MCTP1: variants seen among roughly 807,000 people sequenced by gnomAD.
MCTP1 encodes multiple C2 and transmembrane domain-containing protein 1.
Under a neutral mutation model 120.6 loss-of-function variants are expected in MCTP1, and 69 were observed. The ratio of observed to expected loss-of-function variants is 0.57; its 90% confidence interval spans 0.47 to 0.70. The LOEUF is 0.70. Among genes scored for constraint, MCTP1 ranks in the 30% least tolerant of loss-of-function variants. MCTP1 has a pLI of 0.00. For synonymous variants in MCTP1, 529 were observed against 493.1 expected (o/e 1.07, Z -0.96); for missense variants, 1,203 against 1,248.8 (o/e 0.96, Z 0.55).
intron 19 of MCTP1, among the ~76,000 whole-genome samples, chr5:94,770,702 C>T (rs1315884972): frequency 6.6e-6 from 1 of 152,188 alleles, no homozygotes; most frequent in Non-Finnish European, 1.5e-5. Context: ...GCCGGAATCA[C>T]TAGAAAACTC....
At chr5:95,252,996 A>C (rs1757521453) in intron 1 of MCTP1, among the ~76,000 whole-genome samples, 1 of 152,172 alleles carries the variant, frequency 6.6e-6, no homozygotes, top group Non-Finnish European at 1.5e-5. Flanking sequence ...ACTGACAAAC[A>C]AGATCATTTT....
At chr5:95,201,300 A>G (rs1750983433) in intron 1 of MCTP1, among the ~76,000 whole-genome samples, 1 of 152,152 alleles carries the variant, frequency 6.6e-6, no homozygotes, top group South Asian at 2.1e-4. Context: ...CTGAATCAGA[A>G]TATGTATTTT....
chr5:95,235,038 A>G (rs1160247459), intron 1 of MCTP1, among the ~76,000 whole-genome samples: 3 of 152,088 alleles, frequency 2.0e-5, no homozygotes, highest in African/African-American at 7.2e-5. Flanking sequence ...ACTATAGACC[A>G]ATATAGCTCA....
At chr5:94,905,925 G>A (rs1361377569) in intron 10 of MCTP1, among the ~76,000 whole-genome samples, 1 of 151,990 alleles carries the variant, frequency 6.6e-6, no homozygotes, top group East Asian at 1.9e-4. Context: ...GAGGGGATGA[G>A]GAAAAACCTG....
At chr5:95,124,711 A>G (rs773231117) in intron 1 of MCTP1, among the ~76,000 whole-genome samples, 1 of 152,254 alleles carries the variant, frequency 6.6e-6, no homozygotes, top group Non-Finnish European at 1.5e-5. Flanking sequence ...TATACTCTAT[A>G]TCATTTCCCT....
At chr5:94,970,169 T>C (rs1826477610) in intron 2 of MCTP1, among the ~76,000 whole-genome samples, 1 of 151,864 alleles carries the variant, frequency 6.6e-6, no homozygotes, top group South Asian at 2.1e-4. Context: ...TCCTGAAGAG[T>C]AGTAGAAGGC....
At chr5:94,819,507 G>A (rs1488547679) in intron 17 of MCTP1, among the ~76,000 whole-genome samples, 1 of 152,124 alleles carries the variant, frequency 6.6e-6, no homozygotes, top group Non-Finnish European at 1.5e-5. Flanking sequence ...TTTCAGAAAG[G>A]TTGAGATAAA....
At chr5:95,065,393 A>G (rs1750395862) in intron 1 of MCTP1, among the ~76,000 whole-genome samples, 1 of 152,146 alleles carries the variant, frequency 6.6e-6, no homozygotes, top group Non-Finnish European at 1.5e-5. Context: ...ATCCAGAAAC[A>G]TATATAAATG....
chr5:95,073,582 G>C (rs922692558), intron 1 of MCTP1, among the ~76,000 whole-genome samples: 1 of 152,138 alleles, frequency 6.6e-6, no homozygotes, highest in African/African-American at 2.4e-5. Context: ...ATACTCAAAA[G>C]GTTTCCCCAA....
chr5:94,710,575 A>G, intron 21 of MCTP1: 1 of 375,910 alleles, frequency 2.7e-6, no homozygotes, highest in Non-Finnish European at 4.7e-6. Flanking sequence ...TATATGAAGA[A>G]TCTGCACAAC....
intron 1 of MCTP1, among the ~76,000 whole-genome samples, chr5:95,088,899 A>G (rs1245460875): frequency 2.0e-5 from 3 of 152,230 alleles, no homozygotes; most frequent in Admixed American, 2.0e-4. Context: ...TGGGCTCCAG[A>G]GTACGCATTA....
chr5:94,996,692 T>C (rs1473749920), intron 2 of MCTP1, among the ~76,000 whole-genome samples: 1 of 152,174 alleles, frequency 6.6e-6, no homozygotes, highest in African/African-American at 2.4e-5. Flanking sequence ...CCATATTTTA[T>C]TCTGAATATT....
intron 6 of MCTP1, among the ~76,000 whole-genome samples, chr5:94,926,557 C>T (rs1205598342): frequency 1.3e-5 from 2 of 152,160 alleles, no homozygotes; most frequent in African/African-American, 2.4e-5. Flanking sequence ...AGCCAGGATC[C>T]TGACAAAATT....
chr5:95,207,699 C>T (rs1244940817), intron 1 of MCTP1, among the ~76,000 whole-genome samples: 1 of 152,062 alleles, frequency 6.6e-6, no homozygotes, highest in Admixed American at 6.6e-5. Context: ...ATCCCCACAT[C>T]CCAAGAGTTC....
intron 19 of MCTP1, among the ~76,000 whole-genome samples, chr5:94,740,088 A>G (rs77177277): frequency 0.013 from 1,950 of 152,362 alleles, 44 homozygotes; most frequent in African/African-American, 0.045. Context: ...TTGGAAATAT[A>G]TGTATATGTA....
chr5:95,078,963 G>A (rs1754271762), intron 1 of MCTP1, among the ~76,000 whole-genome samples: 1 of 152,114 alleles, frequency 6.6e-6, no homozygotes, highest in Non-Finnish European at 1.5e-5. Flanking sequence ...AGAAATCCCT[G>A]TAGAGTGAGA....
At chr5:95,139,461 C>G (rs568731219) in intron 1 of MCTP1, among the ~76,000 whole-genome samples, 6 of 152,310 alleles carry the variant, frequency 3.9e-5, no homozygotes, top group Admixed American at 1.3e-4. Flanking sequence ...TTGCCTGTTG[C>G]AATATCTTTG....
At chr5:95,135,050 GA>G (rs1018106529) in intron 1 of MCTP1, among the ~76,000 whole-genome samples, 20 of 23,342 alleles carry the variant, frequency 8.6e-4, no homozygotes, top group Admixed American at 1.8e-3. Context: ...TTCCAGATCA[GA>G]AAAAAAAAAG....
chr5:94,713,333 C>G (rs758755176), intron 20 of MCTP1, among the ~76,000 whole-genome samples: 47 of 152,060 alleles, frequency 3.1e-4, no homozygotes, highest in Non-Finnish European at 6.2e-4. Context: ...CCCAGGTTTC[C>G]CCAAGGCTGA....
Sources: allele counts gnomAD v4.1 joint callset (sites outside exome capture counted in the v4.1 genomes callset), GRCh38; gene constraint gnomAD v4.1.1; transcripts MANE v1.5; gene names NCBI Gene and HGNC (gene_info 2026-07-23, HGNC 2026-07-21).